PAK2: variants seen among roughly 807,000 people sequenced by gnomAD.
PAK2 encodes p21 (RAC1) activated kinase 2, also known as serine/threonine-protein kinase PAK 2.
A neutral mutation model predicts 65.9 loss-of-function variants in PAK2; 21 were observed. The observed-to-expected ratio is 0.32, with a 90% CI of 0.23 to 0.46. The LOEUF (loss-of-function observed/expected upper bound fraction) is 0.46, where lower values mean the gene tolerates loss of function less well. Ranked by LOEUF, PAK2 falls within the 20% of genes least tolerant of loss-of-function variation. The pLI, the probability that PAK2 is intolerant of heterozygous loss-of-function variation, is 1.00. For synonymous variants in PAK2, 204 were observed against 219.7 expected, an observed-to-expected ratio of 0.93 and a Z score of 0.63; for missense variants, 324 against 642.6, an observed-to-expected ratio of 0.50 and a Z score of 5.36.
chr3:196,803,180 A>G lies in PAK2; in HGVS notation c.436+16A>G. 6.9e-6 allele frequency: 11 copies of G among 1,585,322 alleles called. No individual in the cohort carries two copies. The highest frequency in any genetic ancestry group is 9.4e-6 in the Non-Finnish European group (11 of 1,167,792). On this transcript the variant is annotated intron_variant, in intron 4 of 14. Transcript: ENST00000327134. The stretch of plus-strand genomic sequence containing the variant: ...ACTCCTCCTGGTAAGAGAGTGGCAT[A>G]AGGCTGGATCAGATGGAGATTTGTG...
chr3:196,755,454 C>G (rs983838514), intron 1 of PAK2, among the ~76,000 whole-genome samples: 1 of 115,866 alleles, frequency 8.6e-6, no homozygotes, highest in Non-Finnish European at 1.7e-5. Context: ...TTTCTTCTTC[C>G]GACTTTTTTT....
chr3:196,802,878 A>C, intron 3 of PAK2, 139 bp from the exon 4 acceptor site: 4 of 540,108 alleles, frequency 7.4e-6, no homozygotes, highest in East Asian at 3.4e-5. Context: ...AGACCTTTAG[A>C]AAATGAGATC....
chr3:196,759,487 TG>T (rs1247839514), intron 1 of PAK2, among the ~76,000 whole-genome samples: 135 of 134,636 alleles, frequency 1.0e-3, no homozygotes, highest in South Asian at 3.6e-3. Flanking sequence ...TACAGTTAAG[TG>T]GTTTTTTTTG....
At chr3:196,770,740 A>G (rs1714334347) in intron 1 of PAK2, among the ~76,000 whole-genome samples, 1 of 151,674 alleles carries the variant, frequency 6.6e-6, no homozygotes, top group South Asian at 2.1e-4. Flanking sequence ...CTCCTGCCTC[A>G]GCTTCCCGAG....
At chr3:196,785,632 A>G (rs1032888338) in intron 2 of PAK2, among the ~76,000 whole-genome samples, 1 of 152,182 alleles carries the variant, frequency 6.6e-6, no homozygotes, top group African/African-American at 2.4e-5. Context: ...ATATCTGTTC[A>G]CTATCTATAT....
chr3:196,825,045 GTTAAAAATAATAATTTA>G (rs1483871980), intron 13 of PAK2, among the ~76,000 whole-genome samples: 10 of 152,152 alleles, frequency 6.6e-5, no homozygotes, highest in Non-Finnish European at 1.2e-4. Flanking sequence ...AAATTAGTCA[GTTAAAAATAATAATTTA>G]GGACCAGACG....
At chr3:196,774,710 G>T (rs931044633) in intron 1 of PAK2, among the ~76,000 whole-genome samples, 2 of 152,118 alleles carry the variant, frequency 1.3e-5, no homozygotes, top group African/African-American at 2.4e-5. Context: ...CAGTCTGTAG[G>T]TTATGGGCAG....
intron 8 of PAK2, among the ~76,000 whole-genome samples, chr3:196,811,357 C>CCCTT (rs1357880651): frequency 0.082 from 427 of 5,204 alleles, 6 homozygotes; most frequent in African/African-American, 0.11. Flanking sequence ...TTCCTTCCCT[C>CCCTT]CCTTCCCTTC....
chr3:196,798,003 A>G (rs1577729065), intron 2 of PAK2, among the ~76,000 whole-genome samples: 2 of 152,232 alleles, frequency 1.3e-5, no homozygotes, highest in East Asian at 3.8e-4. Flanking sequence ...ATATTAGAAG[A>G]AAAGATTTTA....
At chr3:196,778,164 G>A (rs1714595153) in intron 1 of PAK2, among the ~76,000 whole-genome samples, 1 of 152,038 alleles carries the variant, frequency 6.6e-6, no homozygotes, top group African/African-American at 2.4e-5. Flanking sequence ...TACAATATGT[G>A]GCCTTTTATG....
At chr3:196,789,939 C>T (rs1715016360) in intron 2 of PAK2, among the ~76,000 whole-genome samples, 1 of 152,212 alleles carries the variant, frequency 6.6e-6, no homozygotes, top group African/African-American at 2.4e-5. Context: ...TGCCACTGAT[C>T]TGACAGGAGG....
rs747433368 is a variant in PAK2 at position 196,820,348 on chromosome 3, C to T, written c.1154-23C>T. The stretch of plus-strand genomic sequence containing the variant: ...TAAAACCATCCATGGAAGCCATTAA[C>T]TCTGTTTTGTTTTGTTTTGTAGCTG... On this transcript the variant is annotated intron_variant, in intron 12 of 14. Coordinates refer to ENST00000327134, the MANE Select transcript of PAK2 (RefSeq NM_002577.4). This position sits in a 1 kb window ranked among gnomAD's most constrained non-coding sequence, Gnocchi z 4.6. The T allele has an allele frequency of 6.8e-7, 1 of 1,472,508 alleles. No individual in the cohort carries two copies. The highest frequency in any genetic ancestry group is 1.3e-5 in the South Asian group (1 of 75,354). The allele number at this position is 1,472,508 out of a possible 1,614,324, so 91.2% of individuals were successfully genotyped here.
chr3:196,817,728 C>T (rs957623469), intron 11 of PAK2, among the ~76,000 whole-genome samples: 4 of 152,050 alleles, frequency 2.6e-5, no homozygotes, highest in African/African-American at 9.7e-5. Flanking sequence ...TGAATTCCTG[C>T]CCTCAAGTGA....
At chr3:196,812,668 A>T in intron 9 of PAK2, 71 bp from the exon 10 acceptor site, 1 of 721,762 alleles carries the variant, frequency 1.4e-6, no homozygotes. Context: ...TGAGTTATCA[A>T]CTGCTTGGGG....
At chr3:196,751,562 T>G in intron 1 of PAK2, among the ~76,000 whole-genome samples, 1 of 148,802 alleles carries the variant, frequency 6.7e-6, no homozygotes, top group African/African-American at 2.5e-5. Flanking sequence ...CATGAGAATC[T>G]CTTGAGCCCA....
chr3:196,802,450 T>TA (rs1485394287), intron 3 of PAK2, among the ~76,000 whole-genome samples: 1 of 152,106 alleles, frequency 6.6e-6, no homozygotes, highest in African/African-American at 2.4e-5. Context: ...TATGAATTCT[T>TA]ACTGCTTTTT....
chr3:196,829,424 AAT>A lies in PAK2; in HGVS notation c.*1023_*1024del, dbSNP rs1711992327. 2 of 152,474 alleles carry A rather than the reference AAT, an allele frequency of 1.3e-5. No homozygotes were observed. Among genetic ancestry groups the A allele is most frequent in the Non-Finnish European group, 2.9e-5 (2 of 68,042 alleles). 9.4% of individuals were successfully genotyped at this position (152,474 alleles called of 1,614,324 possible). A position where few individuals can be genotyped will look rare whatever the true frequency, so the allele number is the denominator to read the frequency against. ...ACAGATACCCCCTCCCATGGCAAAT[AAT>A]ATAATAACCAGTGAATTTTCAGGAA... On this transcript the variant is annotated 3_prime_UTR_variant, in exon 15 of 15. Transcript: ENST00000327134.
intron 1 of PAK2, among the ~76,000 whole-genome samples, chr3:196,773,565 A>G (rs1462137595): frequency 6.6e-6 from 1 of 152,116 alleles, no homozygotes; most frequent in Non-Finnish European, 1.5e-5. Context: ...GATGTTGTCT[A>G]GTGCTGTTTG....
chr3:196,776,853 T>C (rs772139725), intron 1 of PAK2, among the ~76,000 whole-genome samples: 4 of 152,174 alleles, frequency 2.6e-5, no homozygotes, highest in Non-Finnish European at 4.4e-5. Flanking sequence ...AATGAACCTT[T>C]TAGGAAGGTC....
Sources: allele counts gnomAD v4.1 joint callset (sites outside exome capture counted in the v4.1 genomes callset), GRCh38; gene constraint gnomAD v4.1.1; non-coding constraint Gnocchi (gnomAD v3.1); transcripts MANE v1.5; gene names NCBI Gene and HGNC (gene_info 2026-07-23, HGNC 2026-07-21).